The following TRIM8 variants were observed in gnomAD, a reference collection of about 807,000 sequenced individuals.
TRIM8 encodes the protein tripartite motif containing 8.
TRIM8 carries 9 observed loss-of-function variants against 55.7 expected under a neutral mutation model. That is an observed-to-expected ratio of 0.16 (90% CI 0.10 to 0.28). TRIM8 has a LOEUF of 0.28. Among genes scored for constraint, TRIM8 ranks in the 10% least tolerant of loss-of-function variants. The pLI is 1.00. For missense variants in TRIM8, 556 were observed against 736.4 expected (o/e 0.76, Z 2.83); for synonymous variants, 335 against 333.3 (o/e 1.01, Z -0.06).
rs1245095580 is a variant in TRIM8 at position 102,657,015 on chromosome 10, C to G, written c.1317C>G (p.Pro439=). ...PGGAQPVHSS[P]VFPPSQYPNG... ...GCGCCCAACCAGTGCACTCAAGCCC[C>G]GTGTTCCCCCCATCGCAGTATCCCA... The change falls in exon 6 of 6, where the codon CCC becomes CCG. Residue 439 remains proline, a synonymous_variant. Coordinates refer to ENST00000643721, the MANE Select transcript of TRIM8 (RefSeq NM_030912.3). 2 of 1,612,756 alleles carry G rather than the reference C, an allele frequency of 1.2e-6. No homozygotes were observed. Among genetic ancestry groups the G allele is most frequent in the Middle Eastern group, 3.3e-4 (2 of 6,062 alleles).
At chr10:102,649,795 A>C (rs1016628377) in intron 1 of TRIM8, among the ~76,000 whole-genome samples, 3 of 152,194 alleles carry the variant, frequency 2.0e-5, no homozygotes, top group African/African-American at 7.2e-5. Flanking sequence ...TGATAGCCCA[A>C]GGCAGTGGCT....
At position 102,652,995 on chromosome 10, in the gene TRIM8, G is replaced by C. The variant is rs1467373174; in HGVS notation, c.571-1658G>C. Reference sequence around the variant, plus strand: ...ATTTTGTATTTTTAGGAGAGATGGGGTTTCTCCATGTTAGGCTGGTCTCGA... The same window carrying C: ...ATTTTGTATTTTTAGGAGAGATGGGCTTTCTCCATGTTAGGCTGGTCTCGA... On this transcript the variant is annotated intron_variant, in intron 1 of 5. Transcript: ENST00000643721. 2.0e-5 allele frequency among the ~76,000 whole-genome samples: 3 copies of C among 152,054 alleles called. No homozygotes were observed. The South Asian group carries it at 6.2e-4, about 32-fold the overall frequency.
intron 1 of TRIM8, among the ~76,000 whole-genome samples, chr10:102,652,464 G>A (rs1172612219): frequency 6.6e-6 from 1 of 152,178 alleles, no homozygotes; most frequent in Non-Finnish European, 1.5e-5. Context: ...GTGAATGTCT[G>A]TGGTTACACA....
chr10:102,656,124 A>G lies in TRIM8; in HGVS notation c.919A>G (p.Ile307Val), dbSNP rs1419295738. Reference protein sequence around the residue: ...SFMKNTKSVKILMDRTQTCTS... With the variant: ...SFMKNTKSVKVLMDRTQTCTS... Reference sequence around the variant, plus strand: ...CCAACAGAACACCAAGTCTGTGAAAATCCTGATGGACAGGTAAGCTGAGGG... The same window carrying G: ...CCAACAGAACACCAAGTCTGTGAAAGTCCTGATGGACAGGTAAGCTGAGGG... Residue 307 changes from isoleucine (I) to valine (V), a missense_variant, in exon 4 of 6, where the codon ATC (isoleucine) becomes GTC (valine). This residue lies in a region of TRIM8 where 391 missense variants were observed against 441.0 expected (regional missense o/e 0.89). Coordinates refer to ENST00000643721, the MANE Select transcript of TRIM8 (RefSeq NM_030912.3). The surrounding 1 kb of genome is among the most constrained non-coding windows in gnomAD (Gnocchi z 4.6). The G allele has an allele frequency of 1.2e-6, 2 of 1,613,986 alleles. No individual in the cohort carries two copies. Among genetic ancestry groups the G allele is most frequent in the Non-Finnish European group, 1.7e-6 (2 of 1,180,022 alleles).
chr10:102,646,893 G>A (rs914805277), intron 1 of TRIM8, among the ~76,000 whole-genome samples: 3 of 152,242 alleles, frequency 2.0e-5, no homozygotes, highest in Admixed American at 1.3e-4. Flanking sequence ...TGGGCGATGG[G>A]CGGATGCCTG....
rs1321095669 is a variant in TRIM8, at chr10:102,656,940, G to C, written c.1242G>C (p.Gln414His). The change falls in exon 6 of 6, where the codon CAG (glutamine) becomes CAC (histidine). Residue 414 changes from glutamine (Q) to histidine (H), a missense_variant. Around this residue, in one of 2 missense-constraint regions of TRIM8, gnomAD observed 391 missense variants for 441.0 expected, o/e 0.89. Coordinates refer to ENST00000643721, the MANE Select transcript of TRIM8 (RefSeq NM_030912.3). This position sits in a 1 kb window ranked among gnomAD's most constrained non-coding sequence, Gnocchi z 4.6. The part of the protein sequence containing the change: ...GTASGEGQSG[Q>H]PLGPCSSTQH... ...CCAGCGGTGAGGGCCAGTCTGGGCA[G>C]CCCCTGGGGCCCTGCAGCTCCACGC... The C allele has an allele frequency of 2.5e-6, 4 of 1,609,474 alleles. No individual in the cohort carries two copies. The highest frequency in any genetic ancestry group is 3.4e-6 in the Non-Finnish European group (4 of 1,177,810).
chr10:102,655,883 C>T (rs1185679486), intron 3 of TRIM8, among the ~76,000 whole-genome samples: 1 of 152,196 alleles, frequency 6.6e-6, no homozygotes, highest in Non-Finnish European at 1.5e-5. Context: ...GTTATGGATG[C>T]ACAGAAAGCA....
chr10:102,657,656 T>G lies in TRIM8; in HGVS notation c.*302T>G. ...GAGCTCTCTCTCTGTTTCTCCTTTT[T>G]TCCTCTACTCCTTCCCCTTCACACC... On this transcript the variant is annotated 3_prime_UTR_variant, in exon 6 of 6. Transcript: ENST00000643721. The G allele has an allele frequency of 1.5e-5, 4 of 270,176 alleles. No homozygotes were observed. Among genetic ancestry groups the G allele is most frequent in the Non-Finnish European group, 2.1e-5 (3 of 143,182 alleles). The allele number at this position is 270,176 out of a possible 1,614,324, so 16.7% of individuals were successfully genotyped here.
At chr10:102,646,262 C>T (rs577509139) in intron 1 of TRIM8, among the ~76,000 whole-genome samples, 1 of 152,222 alleles carries the variant, frequency 6.6e-6, no homozygotes, top group East Asian at 1.9e-4. Flanking sequence ...GGCCTGACAC[C>T]GAGGAGTCCT....
rs548469009 is a variant in TRIM8, at chr10:102,655,433, C to T, written c.900+120C>T. 1.4e-4 allele frequency: 131 copies of T among 915,174 alleles called. 1 individual carries two copies. The highest frequency in any genetic ancestry group is 1.2e-3 in the South Asian group (79 of 64,588). The allele number at this position is 915,174 out of a possible 1,614,324, so 56.7% of individuals were successfully genotyped here. On this transcript the variant is annotated intron_variant, in intron 3 of 5. Coordinates refer to ENST00000643721, the MANE Select transcript of TRIM8 (RefSeq NM_030912.3). ...CCTTTGGAGCCAGCATGCATGGGTT[C>T]AAATCCACCTGCCTGCTCTTTCTAG...
chr10:102,657,438 T>C lies in TRIM8; in HGVS notation c.*84T>C. The C allele has an allele frequency of 6.8e-7, 1 of 1,465,890 alleles. No homozygotes were observed. The highest frequency in any genetic ancestry group is 1.4e-5 in the South Asian group (1 of 71,994). 90.8% of individuals were successfully genotyped at this position (1,465,890 alleles called of 1,614,324 possible). A position where few individuals can be genotyped will look rare whatever the true frequency, so the allele number is the denominator to read the frequency against. ...TTATGCATCCAGAGACCTGCCCTTC[T>C]ACCTTCCTCGCCTCCCCTCTTCCTC... On this transcript the variant is annotated 3_prime_UTR_variant, in exon 6 of 6. Coordinates refer to ENST00000643721, the MANE Select transcript of TRIM8 (RefSeq NM_030912.3).
Position 102,657,369 on chromosome 10 carries a change from C to A in TRIM8, c.*15C>A, listed in dbSNP as rs374915046. 1.3e-6 allele frequency: 2 copies of A among 1,539,842 alleles called. No individual in the cohort carries two copies. The highest frequency in any genetic ancestry group is 2.7e-5 in the African/African-American group (2 of 73,002). On this transcript the variant is annotated 3_prime_UTR_variant, in exon 6 of 6. Coordinates refer to ENST00000643721, the MANE Select transcript of TRIM8 (RefSeq NM_030912.3). ...TGACGAGCTAACGCCACGCAGGCGGCGGGGCGCTGGGGAATCTTCCTCCCC... is the reference window on the plus strand; with the variant it reads ...TGACGAGCTAACGCCACGCAGGCGGAGGGGCGCTGGGGAATCTTCCTCCCC...
chr10:102,645,257 C>A, intron 1 of TRIM8, 70 bp downstream of exon 1: 1 of 1,404,934 alleles, frequency 7.1e-7, no homozygotes. Flanking sequence ...TCTCCCGCCC[C>A]GGGACCACCC....
intron 3 of TRIM8, among the ~76,000 whole-genome samples, chr10:102,655,736 A>G (rs977574803): frequency 6.6e-6 from 1 of 152,212 alleles, no homozygotes; most frequent in Admixed American, 6.5e-5. Context: ...TGGGGATGAT[A>G]ATGTAATATA....
At chr10:102,651,828 C>G (rs1275001972) in intron 1 of TRIM8, among the ~76,000 whole-genome samples, 1 of 152,242 alleles carries the variant, frequency 6.6e-6, no homozygotes, top group Non-Finnish European at 1.5e-5. Context: ...AGGCCTCTTG[C>G]CATTGTCTGG....
Position 102,656,202 on chromosome 10 carries a change from G to A in TRIM8, c.932+65G>A. 6.2e-7 allele frequency: 1 copy of A among 1,614,128 alleles called. No individual in the cohort carries two copies. Reference sequence around the variant, plus strand: ...GGGAGGGCAGGGGGGCCAGGCCCATGGCGGGGAGGTAGGGCGGGCTCACCG... The same window carrying A: ...GGGAGGGCAGGGGGGCCAGGCCCATAGCGGGGAGGTAGGGCGGGCTCACCG... On this transcript the variant is annotated intron_variant, in intron 4 of 5. Coordinates refer to ENST00000643721, the MANE Select transcript of TRIM8 (RefSeq NM_030912.3). This position sits in a 1 kb window ranked among gnomAD's most constrained non-coding sequence, Gnocchi z 4.6.
At chr10:102,645,462 G>A in intron 1 of TRIM8, 1 of 348,796 alleles carries the variant, frequency 2.9e-6, no homozygotes, top group Non-Finnish European at 5.2e-6. Context: ...GTAGAGTCTG[G>A]GTGTTGCTTT....
At chr10:102,652,344 G>A (rs529618700) in intron 1 of TRIM8, among the ~76,000 whole-genome samples, 1 of 152,288 alleles carries the variant, frequency 6.6e-6, no homozygotes, top group South Asian at 2.1e-4. Context: ...TGTCTTCGGG[G>A]AGCCAGCTGG....
At position 102,656,007 on chromosome 10, in the gene TRIM8, TG is replaced by T; in HGVS notation, c.901-94del. 3 of 1,570,702 alleles carry T rather than the reference TG, an allele frequency of 1.9e-6. No individual in the cohort carries two copies. Among genetic ancestry groups the T allele is most frequent in the Non-Finnish European group, 1.8e-6 (2 of 1,141,448 alleles). ...CCAGAATGAGAGGATCCACCCAGCCTGGGGGAGGCTCAGGGGGGGCAGCTTT... is the reference window on the plus strand; with the variant it reads ...CCAGAATGAGAGGATCCACCCAGCCTGGGGAGGCTCAGGGGGGGCAGCTTT... On this transcript the variant is annotated intron_variant, in intron 3 of 5. Transcript: ENST00000643721. The surrounding 1 kb of genome is among the most constrained non-coding windows in gnomAD (Gnocchi z 4.6).
Sources: allele counts gnomAD v4.1 joint callset (sites outside exome capture counted in the v4.1 genomes callset), GRCh38; gene constraint gnomAD v4.1.1; regional missense constraint gnomAD v4.1.1; non-coding constraint Gnocchi (gnomAD v3.1); transcripts MANE v1.5; gene names NCBI Gene and HGNC (gene_info 2026-07-23, HGNC 2026-07-21).